Variants in IKZF3 observed in about 807,000 individuals in gnomAD.
IKZF3 encodes zinc finger protein Aiolos.
In IKZF3, 10 loss-of-function variants were observed where a neutral mutation model predicts 49.0. The observed-to-expected ratio is 0.20, with a 90% confidence interval of 0.13 to 0.35. The LOEUF is 0.35. Among genes scored for constraint, IKZF3 ranks in the 10% least tolerant of loss-of-function variants. The pLI, the probability that IKZF3 is intolerant of heterozygous loss-of-function variation, is 1.00. For missense variants in IKZF3, 498 were observed against 664.8 expected, an observed-to-expected ratio of 0.75 and a Z score of 2.76; for synonymous variants, 209 against 228.2, an observed-to-expected ratio of 0.92 and a Z score of 0.76.
intron 1 of IKZF3, among the ~76,000 whole-genome samples, chr17:39,843,811 A>G (rs2062551366): frequency 6.6e-6 from 1 of 150,624 alleles, no homozygotes. Context: ...CGTCTTTTAA[A>G]AAAAAAAAAA....
At chr17:39,802,065 A>G (rs1369630580) in intron 3 of IKZF3, among the ~76,000 whole-genome samples, 1 of 151,626 alleles carries the variant, frequency 6.6e-6, no homozygotes, top group African/African-American at 2.4e-5. Context: ...TACTAAAAAT[A>G]TAAAAAATTA....
chr17:39,838,114 G>A (rs2062355533), intron 1 of IKZF3, among the ~76,000 whole-genome samples: 1 of 151,940 alleles, frequency 6.6e-6, no homozygotes, highest in Admixed American at 6.6e-5. Flanking sequence ...ATCCCACTTG[G>A]GTTCATGGAA....
intron 1 of IKZF3, among the ~76,000 whole-genome samples, chr17:39,857,487 A>C (rs183032962): frequency 3.3e-5 from 5 of 152,344 alleles, no homozygotes; most frequent in African/African-American, 1.2e-4. Context: ...GCTTCACTGA[A>C]ATAAAAAATG....
At chr17:39,829,606 T>C in intron 2 of IKZF3, 118 bp from the exon 3 acceptor site, 1 of 687,680 alleles carries the variant, frequency 1.5e-6, no homozygotes, top group South Asian at 1.8e-5. Flanking sequence ...TGACAGATAG[T>C]ACCCCTTCAC....
chr17:39,800,155 T>G (rs1242431614), intron 3 of IKZF3, among the ~76,000 whole-genome samples: 1 of 152,226 alleles, frequency 6.6e-6, no homozygotes, highest in Non-Finnish European at 1.5e-5. Context: ...GTAAAGTGAA[T>G]AAACCTTTTA....
At chr17:39,856,376 C>T (rs1223533017) in intron 1 of IKZF3, among the ~76,000 whole-genome samples, 1 of 152,054 alleles carries the variant, frequency 6.6e-6, no homozygotes, top group African/African-American at 2.4e-5. Flanking sequence ...GCAACCTCGG[C>T]CTCGCAGGTT....
Position 39,765,768 on chromosome 17 carries a change from A to C in IKZF3, c.*22T>G. Reference sequence around the variant, plus strand: ...TTAGAAACGATGCTGAATACATAGGAGCAATCCCTGAGACCAGATATTCAC... The same window carrying C: ...TTAGAAACGATGCTGAATACATAGGCGCAATCCCTGAGACCAGATATTCAC... On this transcript the variant is annotated 3_prime_UTR_variant, in exon 8 of 8. Transcript: ENST00000346872. The C allele has an allele frequency of 6.5e-7, 1 of 1,549,286 alleles. No homozygotes were observed. Among genetic ancestry groups the C allele is most frequent in the East Asian group, 2.3e-5 (1 of 44,212 alleles).
intron 3 of IKZF3, among the ~76,000 whole-genome samples, chr17:39,798,996 C>CGTGT (rs10628627): frequency 0.2 from 29,917 of 148,906 alleles, 3,513 homozygotes; most frequent in Non-Finnish European, 0.26. Context: ...TGTGTGTGTG[C>CGTGT]GTGTGTGTGT....
chr17:39,836,570 G>A (rs1482338629), intron 1 of IKZF3, among the ~76,000 whole-genome samples: 3 of 152,132 alleles, frequency 2.0e-5, no homozygotes, highest in African/African-American at 4.8e-5. Flanking sequence ...TCAGATCTAT[G>A]GATATACTAA....
chr17:39,803,603 TC>T (rs1269147581), intron 3 of IKZF3, among the ~76,000 whole-genome samples: 1 of 149,424 alleles, frequency 6.7e-6, no homozygotes, highest in African/African-American at 2.5e-5. Context: ...AACCTCCACC[TC>T]CCGGGTTCAA....
chr17:39,768,912 G>C (rs940573166), intron 7 of IKZF3, among the ~76,000 whole-genome samples: 2 of 152,208 alleles, frequency 1.3e-5, no homozygotes, highest in Non-Finnish European at 1.5e-5. Flanking sequence ...GGATACTACT[G>C]TGAGTACTTG....
intron 6 of IKZF3, among the ~76,000 whole-genome samples, chr17:39,785,667 A>G (rs868090874): frequency 1.3e-5 from 2 of 152,158 alleles, no homozygotes; most frequent in Non-Finnish European, 2.9e-5. Flanking sequence ...CAGGAGAATC[A>G]GGACACACAT....
chr17:39,817,154 G>GT (rs1224546956), intron 3 of IKZF3, among the ~76,000 whole-genome samples: 1 of 152,140 alleles, frequency 6.6e-6, no homozygotes, highest in Non-Finnish European at 1.5e-5. Context: ...TTCCATCAGG[G>GT]TGTGAAATTT....
At chr17:39,847,439 T>C (rs931929716) in intron 1 of IKZF3, among the ~76,000 whole-genome samples, 1 of 152,214 alleles carries the variant, frequency 6.6e-6, no homozygotes, top group Admixed American at 6.5e-5. Flanking sequence ...ACAGAAGTTA[T>C]TCCTTTCCAT....
At chr17:39,837,213 G>A (rs1369588450) in intron 1 of IKZF3, among the ~76,000 whole-genome samples, 1 of 151,836 alleles carries the variant, frequency 6.6e-6, no homozygotes, top group East Asian at 1.9e-4. Context: ...AGGATTACAG[G>A]TGTGAGCCAC....
intron 3 of IKZF3, among the ~76,000 whole-genome samples, chr17:39,807,823 C>A (rs181201384): frequency 6.6e-6 from 1 of 151,758 alleles, no homozygotes; most frequent in East Asian, 1.9e-4. Flanking sequence ...TATGAAATAC[C>A]CAGAAACAGT....
intron 3 of IKZF3, among the ~76,000 whole-genome samples, chr17:39,803,894 T>C (rs1289113590): frequency 6.6e-6 from 1 of 152,100 alleles, no homozygotes; most frequent in African/African-American, 2.4e-5. Flanking sequence ...AAAACTGTCA[T>C]CCAAATACAA....
intron 3 of IKZF3, among the ~76,000 whole-genome samples, chr17:39,825,451 T>C (rs1349154055): frequency 6.6e-6 from 1 of 152,138 alleles, no homozygotes; most frequent in Non-Finnish European, 1.5e-5. Context: ...TAATTGGGGT[T>C]TCTGTGGAAA....
chr17:39,768,139 GA>G (rs982229525), intron 7 of IKZF3, among the ~76,000 whole-genome samples: 4 of 152,174 alleles, frequency 2.6e-5, no homozygotes, highest in Admixed American at 1.3e-4. Flanking sequence ...TTTAGGCAGG[GA>G]AGTAACGTGT....
Sources: gnomAD v4.1 joint callset for allele counts (sites outside exome capture counted in the v4.1 genomes callset) on GRCh38, gnomAD v4.1.1 for gene constraint, MANE v1.5 for transcripts, NCBI Gene and HGNC (gene_info 2026-07-23, HGNC 2026-07-21) for gene names.